Variants in BCAT1 observed in about 807,000 individuals in gnomAD.
BCAT1 encodes branched-chain-amino-acid aminotransferase, cytosolic.
BCAT1 carries 48 observed loss-of-function variants against 52.4 expected under a neutral mutation model. The ratio of observed to expected loss-of-function variants is 0.92; its 90% CI spans 0.73 to 1.16. BCAT1 has a LOEUF of 1.16. Among genes scored for constraint, BCAT1 ranks in the 50% most tolerant of loss-of-function variants. The pLI, the probability that BCAT1 is intolerant of heterozygous loss-of-function variation, is 0.00. For synonymous variants in BCAT1, 167 were observed against 161.3 expected (o/e 1.04, Z -0.27); for missense variants, 451 against 457.1 (o/e 0.99, Z 0.12).
intron 1 of BCAT1, among the ~76,000 whole-genome samples, chr12:24,943,855 G>A (rs1035946061): frequency 6.6e-5 from 10 of 151,476 alleles, no homozygotes; most frequent in African/African-American, 4.9e-5. Flanking sequence ...GTGGTGGCGG[G>A]CGCCTGTAGT....
chr12:24,907,766 C>T (rs1354601453), intron 1 of BCAT1, among the ~76,000 whole-genome samples: 1 of 152,188 alleles, frequency 6.6e-6, no homozygotes, highest in Admixed American at 6.5e-5. Context: ...CATCCCCTGC[C>T]CACAAAAAAT....
chr12:24,886,347 G>GT (rs1256611500), intron 3 of BCAT1, among the ~76,000 whole-genome samples: 2 of 152,164 alleles, frequency 1.3e-5, no homozygotes, highest in African/African-American at 4.8e-5. Flanking sequence ...GAGCCCAGGA[G>GT]GTAAAGGCTG....
intron 1 of BCAT1, among the ~76,000 whole-genome samples, chr12:24,917,642 A>G (rs1310076906): frequency 6.6e-6 from 1 of 152,218 alleles, no homozygotes; most frequent in Non-Finnish European, 1.5e-5. Context: ...AGAATAAAGC[A>G]ATTTACTGCA....
intron 3 of BCAT1, among the ~76,000 whole-genome samples, chr12:24,883,611 T>C (rs1942567561): frequency 6.6e-6 from 1 of 152,154 alleles, no homozygotes; most frequent in Non-Finnish European, 1.5e-5. Flanking sequence ...CTAAATTAAA[T>C]TAAAATTAAA....
intron 1 of BCAT1, among the ~76,000 whole-genome samples, chr12:24,913,382 A>G (rs1943359599): frequency 6.6e-6 from 1 of 152,210 alleles, no homozygotes; most frequent in Non-Finnish European, 1.5e-5. Context: ...CATTTATGTG[A>G]CAGATGGGAA....
At chr12:24,948,904 C>G in intron 1 of BCAT1, 23 bp downstream of exon 1, 1 of 1,591,272 alleles carries the variant, frequency 6.3e-7, no homozygotes, top group Admixed American at 1.8e-5. Flanking sequence ...TTGTAAAACA[C>G]GGACAAAACC....
At chr12:24,836,753 A>G (rs559825781) in intron 7 of BCAT1, among the ~76,000 whole-genome samples, 157 bp from the exon 8 acceptor site, 1 of 151,268 alleles carries the variant, frequency 6.6e-6, no homozygotes, top group Admixed American at 6.6e-5. Flanking sequence ...AAATCAGTTC[A>G]CACTTCAGGT....
chr12:24,810,514 G>T lies in BCAT1; in HGVS notation c.*7494C>A, dbSNP rs1253454784. On this transcript the variant is annotated 3_prime_UTR_variant, in exon 11 of 11. Coordinates refer to ENST00000261192, the MANE Select transcript of BCAT1 (RefSeq NM_005504.7). ...TATCTGATAAATTATATAAGCTCCA[G>T]TAAATGTATGTCATCACCCTCAGGA... The T allele has an allele frequency of 6.6e-6, 1 of 152,164 alleles. No homozygotes were observed. The highest frequency in any genetic ancestry group is 2.4e-5 in the African/African-American group (1 of 41,428). The allele number at this position is 152,164 out of a possible 1,614,324, so 9.4% of individuals were successfully genotyped here. A position where few individuals can be genotyped will look rare whatever the true frequency, so the allele number is the denominator to read the frequency against.
chr12:24,873,871 T>C (rs1047360055), intron 5 of BCAT1, among the ~76,000 whole-genome samples: 9 of 152,218 alleles, frequency 5.9e-5, no homozygotes, highest in Non-Finnish European at 1.3e-4. Flanking sequence ...TGGTTATATA[T>C]GAACAGTTAA....
At chr12:24,860,207 T>G (rs1793782622) in intron 5 of BCAT1, among the ~76,000 whole-genome samples, 1 of 152,118 alleles carries the variant, frequency 6.6e-6, no homozygotes, top group Admixed American at 6.5e-5. Context: ...TTTTGTAAAG[T>G]GTGCCATTAA....
chr12:24,939,906 G>C (rs375891400), intron 1 of BCAT1, among the ~76,000 whole-genome samples: 1 of 152,138 alleles, frequency 6.6e-6, no homozygotes, highest in Non-Finnish European at 1.5e-5. Context: ...TCTTGATAAT[G>C]ACTCTGGTGT....
chr12:24,831,906 A>C (rs1940682971), intron 9 of BCAT1, among the ~76,000 whole-genome samples: 1 of 148,436 alleles, frequency 6.7e-6, no homozygotes, highest in Non-Finnish European at 1.5e-5. Context: ...ATAAAATCAG[A>C]CTAATTTACT....
At position 24,930,896 on chromosome 12, in the gene BCAT1, C is replaced by CTTTT. The variant is rs5797108; in HGVS notation, c.6+18027_6+18030dup. ...ACTGAAGCCTCAGTGGAACAGGGCC[C>CTTTT]TTTTTTTTTTTTTTTTTTTTTTGAG... On this transcript the variant is annotated intron_variant, in intron 1 of 10. Coordinates refer to ENST00000261192, the MANE Select transcript of BCAT1 (RefSeq NM_005504.7). Among the ~76,000 whole-genome samples the CTTTT allele has an allele frequency of 6.5e-4, 62 of 96,070 alleles. 1 individual carries two copies. Among genetic ancestry groups the CTTTT allele is most frequent in the African/African-American group, 2.5e-3 (58 of 23,642 alleles). The allele number at this position is 96,070 out of a possible 152,430, so 63.0% of individuals were successfully genotyped here. A position where few individuals can be genotyped will look rare whatever the true frequency, so the allele number is the denominator to read the frequency against.
intron 1 of BCAT1, among the ~76,000 whole-genome samples, chr12:24,925,107 T>A (rs1179100425): frequency 6.6e-6 from 1 of 152,218 alleles, no homozygotes; most frequent in Non-Finnish European, 1.5e-5. Flanking sequence ...GTGAAAGTAT[T>A]TTTTAGATGT....
chr12:24,939,790 C>T (rs1464836370), intron 1 of BCAT1, among the ~76,000 whole-genome samples: 1 of 152,180 alleles, frequency 6.6e-6, no homozygotes, highest in Non-Finnish European at 1.5e-5. Flanking sequence ...GCTGAGATCA[C>T]ACCACTTCAC....
At chr12:24,849,496 A>T (rs1941440069) in intron 6 of BCAT1, among the ~76,000 whole-genome samples, 1 of 152,186 alleles carries the variant, frequency 6.6e-6, no homozygotes, top group Non-Finnish European at 1.5e-5. Context: ...GTAGTTTCTT[A>T]CTTCAGTTCT....
chr12:24,944,491 G>A (rs897278418), intron 1 of BCAT1, among the ~76,000 whole-genome samples: 10 of 152,146 alleles, frequency 6.6e-5, no homozygotes, highest in African/African-American at 2.2e-4. Flanking sequence ...TGGAATGTTT[G>A]GTCTAGAATA....
chr12:24,932,366 G>A (rs1009207317), intron 1 of BCAT1, among the ~76,000 whole-genome samples: 3 of 152,052 alleles, frequency 2.0e-5, no homozygotes, highest in South Asian at 2.1e-4. Flanking sequence ...CATATGCATG[G>A]GACACTCTTA....
Position 24,817,910 on chromosome 12 carries a change from G to A in BCAT1, c.*98C>T, listed in dbSNP as rs1367118545. ...GATACTACAAACTACATTATGCACA[G>A]GTAGCCAAAGAAATCTATCACAATT... is the stretch of plus-strand genomic sequence containing the variant. On this transcript the variant is annotated 3_prime_UTR_variant, in exon 11 of 11. Transcript: ENST00000261192. 5 of 1,290,534 alleles carry A rather than the reference G, an allele frequency of 3.9e-6. No homozygotes were observed. Among genetic ancestry groups the A allele is most frequent in the Middle Eastern group, 1.8e-4 (1 of 5,412 alleles). The allele number at this position is 1,290,534 out of a possible 1,614,324, so 79.9% of individuals were successfully genotyped here. A position where few individuals can be genotyped will look rare whatever the true frequency, so the allele number is the denominator to read the frequency against.
Sources: gnomAD v4.1 joint callset for allele counts (sites outside exome capture counted in the v4.1 genomes callset) on GRCh38, gnomAD v4.1.1 for gene constraint, MANE v1.5 for transcripts, NCBI Gene and HGNC (gene_info 2026-07-23, HGNC 2026-07-21) for gene names.